ADCY10: variants seen among roughly 807,000 people sequenced by gnomAD.
The protein encoded by ADCY10 is adenylate cyclase 10.
Under a neutral mutation model 183.3 loss-of-function variants are expected in ADCY10, and 156 were observed. The ratio of observed to expected loss-of-function variants is 0.85; its 90% CI spans 0.75 to 0.97. ADCY10 has a LOEUF of 0.97. Among genes scored for constraint, ADCY10 ranks in the 50% least tolerant of loss-of-function variants. The pLI is 0.00. For missense variants in ADCY10, 1,745 were observed against 1,934.3 expected (o/e 0.90, Z 1.84); for synonymous variants, 645 against 670.0 (o/e 0.96, Z 0.58).
At chr1:167,904,110 CAG>C (rs1295232258) in intron 2 of ADCY10, 119 bp from the exon 3 acceptor site, 4 of 563,258 alleles carry the variant, frequency 7.1e-6, no homozygotes, top group African/African-American at 4.9e-5. Flanking sequence ...TTTTTTGAGA[CAG>C]AGTCTTGCTT....
At chr1:167,874,339 TA>T (rs1667305876) in intron 13 of ADCY10, among the ~76,000 whole-genome samples, 1 of 151,790 alleles carries the variant, frequency 6.6e-6, no homozygotes, top group South Asian at 2.1e-4. Flanking sequence ...TCAAAATAAA[TA>T]AATAAATAAA....
chr1:167,847,404 A>ATCTTTCTT (rs147098890), intron 19 of ADCY10, among the ~76,000 whole-genome samples: 131 of 150,674 alleles, frequency 8.7e-4, no homozygotes, highest in South Asian at 2.3e-3. Context: ...ATAATAATAC[A>ATCTTTCTT]TCTTTCTTTC....
intron 16 of ADCY10, 137 bp downstream of exon 16, chr1:167,859,670 T>C (rs1244794930): frequency 9.1e-6 from 7 of 768,786 alleles, no homozygotes; most frequent in Non-Finnish European, 1.7e-5. Flanking sequence ...TGGAGGAGAA[T>C]GAAGCACTTT....
At chr1:167,830,253 A>G (rs1474065277) in intron 25 of ADCY10, among the ~76,000 whole-genome samples, 1 of 151,384 alleles carries the variant, frequency 6.6e-6, no homozygotes, top group African/African-American at 2.4e-5. Flanking sequence ...TTTCCCCTTT[A>G]AATACTGCAG....
At chr1:167,848,216 T>C in intron 19 of ADCY10, 145 bp downstream of exon 19, 1 of 602,792 alleles carries the variant, frequency 1.7e-6, no homozygotes, top group Admixed American at 2.7e-5. Context: ...GCCTGGCTAA[T>C]TTTTTTGTAT....
chr1:167,876,030 G>T (rs203829), intron 12 of ADCY10, among the ~76,000 whole-genome samples: 6,355 of 152,204 alleles, frequency 0.042, 383 homozygotes, highest in African/African-American at 0.14. Flanking sequence ...GCCGAGGCAG[G>T]TGGATCATCT....
At chr1:167,868,021 T>C (rs901766383) in intron 14 of ADCY10, among the ~76,000 whole-genome samples, 2 of 152,162 alleles carry the variant, frequency 1.3e-5, no homozygotes, top group Admixed American at 1.3e-4. Context: ...TACACGTATC[T>C]CTGGGCGTCG....
At chr1:167,858,763 C>A (rs1281540274) in intron 16 of ADCY10, among the ~76,000 whole-genome samples, 1 of 152,056 alleles carries the variant, frequency 6.6e-6, no homozygotes, top group African/African-American at 2.4e-5. Context: ...ATCTTATTAC[C>A]ACTGGGACTT....
rs201744721 is a variant in ADCY10, at chr1:167,842,602, AC to A, written c.3007+2960del. Among the ~76,000 whole-genome samples the A allele has an allele frequency of 4.0e-5, 6 of 148,860 alleles. No homozygotes were observed. In the East Asian group the frequency reaches 5.8e-4, roughly 14 times the overall value. Reference sequence around the variant, plus strand: ...TAAGGAAGACACTGCAAAAAAAAAAACGTTTCCTAGTAACCCTAGGGAAAAT... The same window carrying A: ...TAAGGAAGACACTGCAAAAAAAAAAAGTTTCCTAGTAACCCTAGGGAAAAT... On this transcript the variant is annotated intron_variant, in intron 21 of 32. Coordinates refer to ENST00000367851, the MANE Select transcript of ADCY10 (RefSeq NM_018417.6).
chr1:167,883,756 C>G, intron 8 of ADCY10, 128 bp from the exon 9 acceptor site: 1 of 822,804 alleles, frequency 1.2e-6, no homozygotes, highest in African/African-American at 1.7e-5. Flanking sequence ...TACAACATGA[C>G]AGAGCCAGCA....
At chr1:167,913,557 C>G (rs571692029) in intron 1 of ADCY10, among the ~76,000 whole-genome samples, 27 of 152,314 alleles carry the variant, frequency 1.8e-4, no homozygotes, top group African/African-American at 6.0e-4. Context: ...CCTTGATTAT[C>G]TTTTGAATTG....
At chr1:167,837,646 C>T (rs2101925643) in intron 21 of ADCY10, among the ~76,000 whole-genome samples, 1 of 152,326 alleles carries the variant, frequency 6.6e-6, no homozygotes. Context: ...TTGCTAACTG[C>T]ATGCAAAGCC....
chr1:167,816,026 G>T (rs1662508219), intron 31 of ADCY10, among the ~76,000 whole-genome samples: 1 of 151,046 alleles, frequency 6.6e-6, no homozygotes, highest in Non-Finnish European at 1.5e-5. Flanking sequence ...AAGGATTGTG[G>T]GATAAGTACA....
chr1:167,880,322 G>T, intron 10 of ADCY10, 131 bp from the exon 11 acceptor site: 1 of 1,016,216 alleles, frequency 9.8e-7, no homozygotes, highest in South Asian at 1.3e-5. Flanking sequence ...GTTGGAATTA[G>T]TTTATGGCAT....
chr1:167,888,833 G>C (rs1377340757), intron 8 of ADCY10, among the ~76,000 whole-genome samples: 1 of 56,066 alleles, frequency 1.8e-5, no homozygotes, highest in Admixed American at 2.0e-4. Context: ...CCGAGACAGC[G>C]CAACTGCAGT....
chr1:167,858,476 C>T (rs955208890), intron 16 of ADCY10, among the ~76,000 whole-genome samples: 10 of 115,342 alleles, frequency 8.7e-5, no homozygotes, highest in South Asian at 2.9e-4. Flanking sequence ...CCAGCCTGGG[C>T]GACAGAGCGA....
intron 8 of ADCY10, 92 bp from the exon 9 acceptor site, chr1:167,883,720 G>T: frequency 1.7e-6 from 2 of 1,194,138 alleles, no homozygotes; most frequent in South Asian, 1.2e-5. Flanking sequence ...ATCATCTAGG[G>T]AATGTCTACC....
intron 18 of ADCY10, among the ~76,000 whole-genome samples, chr1:167,854,149 A>C (rs1665708811): frequency 6.6e-6 from 1 of 151,754 alleles, no homozygotes; most frequent in African/African-American, 2.4e-5. Context: ...TAGTTAGACA[A>C]TCTTTAGCCG....
intron 6 of ADCY10, among the ~76,000 whole-genome samples, chr1:167,897,416 G>C (rs970107301): frequency 2.7e-5 from 4 of 150,758 alleles, no homozygotes; most frequent in Admixed American, 2.7e-4. Flanking sequence ...AGAATCGCTT[G>C]AGACTGGGAG....
Sources: gnomAD v4.1 joint callset for allele counts (sites outside exome capture counted in the v4.1 genomes callset) on GRCh38, gnomAD v4.1.1 for gene constraint, MANE v1.5 for transcripts, NCBI Gene and HGNC (gene_info 2026-07-23, HGNC 2026-07-21) for gene names.